The following SLC35D4 variants were observed in gnomAD, a reference collection of about 807,000 sequenced individuals.
SLC35D4 encodes solute carrier family 35 member D4.
chr18:23,282,148 G>C, the SLC35D4 span, among the ~76,000 whole-genome samples: 1 of 152,236 alleles, frequency 6.6e-6, no homozygotes, highest in African/African-American at 2.4e-5. Flanking sequence ...ATCAGGGCAC[G>C]AAGACACATG....
At chr18:23,389,835 C>T in the SLC35D4 span, among the ~76,000 whole-genome samples, 2 of 152,148 alleles carry the variant, frequency 1.3e-5, no homozygotes, top group African/African-American at 4.8e-5. Flanking sequence ...CCACCATACC[C>T]GGCCAGTTTG....
the SLC35D4 span, among the ~76,000 whole-genome samples, chr18:23,314,749 A>G: frequency 6.6e-6 from 1 of 152,222 alleles, no homozygotes; most frequent in Non-Finnish European, 1.5e-5. Flanking sequence ...CCAAAGAAGA[A>G]AGAGTCTTGT....
At chr18:23,317,490 G>C in the SLC35D4 span, among the ~76,000 whole-genome samples, 2 of 152,280 alleles carry the variant, frequency 1.3e-5, no homozygotes, top group East Asian at 3.9e-4. Flanking sequence ...CCAGCAGTGT[G>C]TGAGGGTTCC....
the SLC35D4 span, among the ~76,000 whole-genome samples, chr18:23,279,012 C>CTT: frequency 1.0e-5 from 1 of 96,048 alleles, no homozygotes; most frequent in Non-Finnish European, 2.4e-5. Context: ...GACCCCATCT[C>CTT]AAAAAAAAAA....
the SLC35D4 span, among the ~76,000 whole-genome samples, chr18:23,256,359 A>G: frequency 6.6e-6 from 1 of 152,230 alleles, no homozygotes; most frequent in Non-Finnish European, 1.5e-5. Flanking sequence ...TAGCACTGTG[A>G]AAGTGGAGAC....
At chr18:23,413,819 C>A in the SLC35D4 span, among the ~76,000 whole-genome samples, 5 of 151,984 alleles carry the variant, frequency 3.3e-5, no homozygotes, top group East Asian at 9.6e-4. Context: ...TGATGCACGC[C>A]TGTAGCCCCA....
the SLC35D4 span, among the ~76,000 whole-genome samples, chr18:23,250,952 T>C: frequency 6.6e-6 from 1 of 152,224 alleles, no homozygotes; most frequent in East Asian, 1.9e-4. Context: ...TGCCTCCTCC[T>C]TGCTACTAAC....
At chr18:23,330,398 A>G in the SLC35D4 span, among the ~76,000 whole-genome samples, 1 of 152,206 alleles carries the variant, frequency 6.6e-6, no homozygotes, top group South Asian at 2.1e-4. Flanking sequence ...TTAAATGAAG[A>G]TAGTGGACTA....
the SLC35D4 span, among the ~76,000 whole-genome samples, chr18:23,411,105 C>T: frequency 3.3e-5 from 5 of 149,622 alleles, no homozygotes; most frequent in African/African-American, 1.2e-4. Context: ...GGTGTGCGGG[C>T]CTCTAGGGAG....
chr18:23,387,606 C>T, the SLC35D4 span, among the ~76,000 whole-genome samples: 4 of 152,130 alleles, frequency 2.6e-5, no homozygotes, highest in East Asian at 1.9e-4. Flanking sequence ...TTTATCTTTA[C>T]GGAGGACATA....
the SLC35D4 span, among the ~76,000 whole-genome samples, chr18:23,380,519 C>T: frequency 6.6e-6 from 1 of 152,116 alleles, no homozygotes; most frequent in South Asian, 2.1e-4. Flanking sequence ...TGGAGCTCAC[C>T]CGCTGGCCCA....
At chr18:23,249,761 C>T in the SLC35D4 span, among the ~76,000 whole-genome samples, 7 of 152,244 alleles carry the variant, frequency 4.6e-5, no homozygotes, top group Non-Finnish European at 7.4e-5. Context: ...CCCCCGCCCC[C>T]GACAGCCCTT....
chr18:23,268,246 TC>T, the SLC35D4 span, among the ~76,000 whole-genome samples: 1 of 152,192 alleles, frequency 6.6e-6, no homozygotes, highest in Non-Finnish European at 1.5e-5. Flanking sequence ...TTGAAACAGT[TC>T]TGATCTGGAT....
chr18:23,410,852 T>C, the SLC35D4 span, among the ~76,000 whole-genome samples: 1 of 151,886 alleles, frequency 6.6e-6, no homozygotes, highest in Admixed American at 6.6e-5. Context: ...TCCAGAGAGG[T>C]TGTAATGACC....
chr18:23,282,957 G>C, the SLC35D4 span, among the ~76,000 whole-genome samples: 8 of 148,772 alleles, frequency 5.4e-5, no homozygotes, highest in Admixed American at 6.7e-5. Context: ...CTGACTGAGG[G>C]GACCCCCGAG....
At chr18:23,363,322 A>C in the SLC35D4 span, among the ~76,000 whole-genome samples, 23 of 150,922 alleles carry the variant, frequency 1.5e-4, no homozygotes, top group Non-Finnish European at 3.2e-4. Context: ...AACCACGGAG[A>C]ATCTGTGAAC....
At chr18:23,324,178 G>C in the SLC35D4 span, among the ~76,000 whole-genome samples, 1 of 152,046 alleles carries the variant, frequency 6.6e-6, no homozygotes, top group Non-Finnish European at 1.5e-5. Flanking sequence ...GGTGCACAAA[G>C]AAGAGTTCAT....
At chr18:23,355,173 A>G in the SLC35D4 span, among the ~76,000 whole-genome samples, 1 of 152,234 alleles carries the variant, frequency 6.6e-6, no homozygotes, top group Non-Finnish European at 1.5e-5. Flanking sequence ...ACAGAGTCAC[A>G]TCAATTCAAA....
At chr18:23,395,925 G>A in the SLC35D4 span, among the ~76,000 whole-genome samples, 1 of 152,318 alleles carries the variant, frequency 6.6e-6, no homozygotes, top group Non-Finnish European at 1.5e-5. Flanking sequence ...AAATATTCAT[G>A]GTGGCTGTTC....
Sources: gnomAD v4.1 joint callset for allele counts (sites outside exome capture counted in the v4.1 genomes callset) on GRCh38, gnomAD v4.1.1 for gene constraint, MANE v1.5 for transcripts, NCBI Gene and HGNC (gene_info 2026-07-23, HGNC 2026-07-21) for gene names.